Variants in OLAH observed in about 807,000 individuals in gnomAD.
OLAH encodes S-acyl fatty acid synthase thioesterase, medium chain.
OLAH carries 33 observed loss-of-function variants against 27.8 expected under a neutral mutation model. That is an observed-to-expected ratio of 1.19 (90% CI 0.90 to 1.59). OLAH has a LOEUF of 1.59. OLAH is among the 40% of genes most tolerant of loss of function. The pLI, the probability that OLAH is intolerant of heterozygous loss-of-function variation, is 0.00. For synonymous variants in OLAH, 120 were observed against 102.9 expected, an observed-to-expected ratio of 1.17 and a Z score of -1.01; for missense variants, 359 against 310.8, an observed-to-expected ratio of 1.16 and a Z score of -1.17.
At chr10:15,062,675 A>C (rs1440677681) in intron 4 of OLAH, among the ~76,000 whole-genome samples, 1 of 151,296 alleles carries the variant, frequency 6.6e-6, no homozygotes, top group Non-Finnish European at 1.5e-5. Context: ...TGTTTGATTA[A>C]CCTCCTTTTG....
intron 4 of OLAH, among the ~76,000 whole-genome samples, chr10:15,063,005 C>A (rs1844398469): frequency 6.6e-6 from 1 of 152,170 alleles, no homozygotes; most frequent in South Asian, 2.1e-4. Context: ...TGCTAAAGTG[C>A]TGGGATTACA....
In OLAH at chr10:15,061,721, C is replaced by T. The variant is rs1844367522; in HGVS notation, c.164-3C>T. The T allele has an allele frequency of 1.9e-6, 3 of 1,601,788 alleles. No individual in the cohort carries two copies. Among genetic ancestry groups the T allele is most frequent in the Non-Finnish European group, 2.6e-6 (3 of 1,175,132 alleles). On this transcript the variant is annotated splice_polypyrimidine_tract_variant and splice_region_variant and intron_variant, in intron 3 of 7. Transcript: ENST00000378228. ...GTGTTCACTTGTGTTTCTCCATCTCCAGTGCACTCCTTAAGGCTTCCTGGA... is the reference window on the plus strand; with the variant it reads ...GTGTTCACTTGTGTTTCTCCATCTCTAGTGCACTCCTTAAGGCTTCCTGGA...
chr10:15,063,532 T>C (rs531073175), intron 4 of OLAH, among the ~76,000 whole-genome samples: 1 of 152,354 alleles, frequency 6.6e-6, no homozygotes, highest in Non-Finnish European at 1.5e-5. Flanking sequence ...AATATATACA[T>C]GTGCAATTTA....
Position 15,033,023 on chromosome 10 carries a change from C to A in OLAH, c.-164+673C>A, listed in dbSNP as rs1008681911. ...AAGAAGCTGGGATTACAGGTGCCCA[C>A]CACCACAGTGGGCTAATTTTTTTTT... On this transcript the variant is annotated intron_variant, in intron 1 of 3. Transcript: ENST00000413672. Among the ~76,000 whole-genome samples the A allele has an allele frequency of 8.0e-5, 12 of 150,600 alleles. No homozygotes were observed. The South Asian group carries it at 1.1e-3, about 14-fold the overall frequency.
intron 5 of OLAH, among the ~76,000 whole-genome samples, chr10:15,064,799 A>G (rs1844435566): frequency 6.6e-6 from 1 of 152,178 alleles, no homozygotes; most frequent in Non-Finnish European, 1.5e-5. Context: ...CTGGGACTAC[A>G]GGCGAGCACC....
chr10:15,061,624 C>G, intron 3 of OLAH, 100 bp from the exon 4 acceptor site: 1 of 1,165,448 alleles, frequency 8.6e-7, no homozygotes, highest in Non-Finnish European at 1.2e-6. Context: ...TCATTCATTT[C>G]TTTGAAATTT....
chr10:15,043,133 T>G (rs1843951885), upstream of OLAH, among the ~76,000 whole-genome samples: 1 of 152,128 alleles, frequency 6.6e-6, no homozygotes, highest in Non-Finnish European at 1.5e-5. Context: ...GTGCTGGGAT[T>G]ACAGGTGTGA....
chr10:15,050,539 AT>A (rs764081489), intron 3 of OLAH, among the ~76,000 whole-genome samples: 9,336 of 108,860 alleles, frequency 0.086, 355 homozygotes, highest in African/African-American at 0.15. Flanking sequence ...AAGTGCTAGG[AT>A]TTTTTTTTTT....
At chr10:15,068,919 CTA>C (rs1370748417) in intron 6 of OLAH, among the ~76,000 whole-genome samples, 2 of 152,134 alleles carry the variant, frequency 1.3e-5, no homozygotes, top group African/African-American at 4.8e-5. Context: ...TAATCCTCTG[CTA>C]TGTGTCTGGT....
intron 3 of OLAH, 40 bp downstream of exon 3, chr10:15,049,805 G>T: frequency 1.3e-6 from 2 of 1,570,802 alleles, no homozygotes; most frequent in Non-Finnish European, 8.6e-7. Flanking sequence ...ATTTAAAAGG[G>T]CAGATGACAT....
In OLAH at chr10:15,072,767, G is replaced by T. The variant is rs549970995; in HGVS notation, c.656-320G>T. Among the ~76,000 whole-genome samples, 4 of 151,946 alleles carry T rather than the reference G, an allele frequency of 2.6e-5. No individual in the cohort carries two copies. The South Asian group carries it at 8.3e-4, about 32-fold the overall frequency. ...CCGTCATCTTCCTGGCCAGAGGGGG[G>T]TTATCTTGGGGCTAACATGTCTCTG... On this transcript the variant is annotated intron_variant, in intron 7 of 7. Coordinates refer to ENST00000378228, the MANE Select transcript of OLAH (RefSeq NM_001039702.3).
At chr10:15,064,553 G>A in intron 5 of OLAH, 51 bp downstream of exon 5, 1 of 1,043,090 alleles carries the variant, frequency 9.6e-7, no homozygotes, top group Non-Finnish European at 1.4e-6. Flanking sequence ...CAGGGAAATG[G>A]GGATAAAAAT....
At position 15,035,529 on chromosome 10, in the gene OLAH, G is replaced by T. The variant is rs571876901; in HGVS notation, c.-164+3179G>T. Among the ~76,000 whole-genome samples the T allele has an allele frequency of 2.6e-5, 4 of 152,154 alleles. No individual in the cohort carries two copies. The South Asian group carries it at 8.3e-4, about 32-fold the overall frequency. On this transcript the variant is annotated intron_variant, in intron 1 of 3. Coordinates refer to the OLAH transcript ENST00000413672. ...GAAGTGCCATAGCTTTCGAAGGACC[G>T]GATCTCATGAGAACTCACTATCTCT... is the stretch of plus-strand genomic sequence containing the variant.
At chr10:15,037,194 C>A (rs1843853824) in intron 1 of OLAH, among the ~76,000 whole-genome samples, 1 of 151,262 alleles carries the variant, frequency 6.6e-6, no homozygotes, top group African/African-American at 2.4e-5. Context: ...CCGACAGTAA[C>A]CACTAAAACA....
chr10:15,070,515 G>A (rs1564536035), intron 6 of OLAH, among the ~76,000 whole-genome samples: 1 of 151,994 alleles, frequency 6.6e-6, no homozygotes. Context: ...ATGGAGTTTC[G>A]CTCTTGTTGA....
upstream of OLAH, among the ~76,000 whole-genome samples, chr10:15,039,822 G>C (rs4748134): frequency 0.14 from 21,043 of 152,146 alleles, 1,530 homozygotes; most frequent in South Asian, 0.26. Context: ...TATCCCCTAA[G>C]AAGGGCATCA....
At chr10:15,056,452 G>A (rs1844246820) in intron 3 of OLAH, among the ~76,000 whole-genome samples, 1 of 151,874 alleles carries the variant, frequency 6.6e-6, no homozygotes, top group Non-Finnish European at 1.5e-5. Flanking sequence ...GCTCTATATT[G>A]TTGACAATAC....
chr10:15,041,381 C>T (rs933898367), upstream of OLAH, among the ~76,000 whole-genome samples: 1 of 150,760 alleles, frequency 6.6e-6, no homozygotes, highest in African/African-American at 2.4e-5. Flanking sequence ...CAGGTCCAAG[C>T]GATTCTCCTG....
intron 6 of OLAH, 135 bp from the exon 7 acceptor site, chr10:15,071,659 GA>G: frequency 1.4e-6 from 2 of 1,417,916 alleles, no homozygotes. Context: ...TGCCATTGGT[GA>G]AAAATGTTTT....
Sources: gnomAD v4.1 joint callset for allele counts (sites outside exome capture counted in the v4.1 genomes callset) on GRCh38, gnomAD v4.1.1 for gene constraint, MANE v1.5 for transcripts, NCBI Gene and HGNC (gene_info 2026-07-23, HGNC 2026-07-21) for gene names.